MCC: variants seen among roughly 807,000 people sequenced by gnomAD.
MCC encodes colorectal mutant cancer protein.
A neutral mutation model predicts 116.2 loss-of-function variants in MCC; 90 were observed. The ratio of observed to expected loss-of-function variants is 0.77; its 90% CI spans 0.65 to 0.92. The LOEUF is 0.92. Among genes scored for constraint, MCC ranks in the 40% least tolerant of loss-of-function variants. The probability of loss-of-function intolerance (pLI) is 0.00; values close to 1 mark genes in which losing one functional copy is unlikely to be tolerated. For synonymous variants in MCC, 578 were observed against 510.5 expected (o/e 1.13, Z -1.78); for missense variants, 1,516 against 1,312.2 (o/e 1.16, Z -2.40).
In MCC at chr5:113,053,715, C is replaced by T. The variant is rs1266242453; in HGVS notation, c.2448+10G>A. On this transcript the variant is annotated intron_variant, in intron 15 of 18. Transcript: ENST00000408903. ...GGCAGCCTAGCACATGGGACCCACC[C>T]ACCACATACCTTCATGGCCATGAGC... The T allele has an allele frequency of 8.2e-6, 13 of 1,592,140 alleles. No individual in the cohort carries two copies. The highest frequency in any genetic ancestry group is 1.1e-5 in the Non-Finnish European group (13 of 1,161,506).
Position 113,051,890 on chromosome 5 carries a change from G to A in MCC, c.2448+1835C>T, listed in dbSNP as rs551070532. On this transcript the variant is annotated intron_variant, in intron 15 of 18. Coordinates refer to ENST00000408903, the MANE Select transcript of MCC (RefSeq NM_001085377.2). ...AATCCAACGTAACCTGCTGGATAAT[G>A]GATTTGGTATGGGTGAGCACACATC... Among the ~76,000 whole-genome samples the A allele has an allele frequency of 2.6e-5, 4 of 152,198 alleles. No individual in the cohort carries two copies. The South Asian group carries it at 8.3e-4, about 32-fold the overall frequency.
chr5:113,095,405 T>C (rs1435720497), intron 8 of MCC, among the ~76,000 whole-genome samples: 1 of 152,240 alleles, frequency 6.6e-6, no homozygotes, highest in Non-Finnish European at 1.5e-5. Flanking sequence ...GGTATAATAA[T>C]AGTACCTATC....
intron 2 of MCC, among the ~76,000 whole-genome samples, chr5:113,367,606 T>C (rs1768728643): frequency 9.7e-6 from 1 of 103,564 alleles, no homozygotes; most frequent in Admixed American, 1.6e-4. Flanking sequence ...AAACTTATGC[T>C]TGGGCATAAG....
At chr5:113,417,070 A>G in intron 1 of MCC, among the ~76,000 whole-genome samples, 1 of 151,330 alleles carries the variant, frequency 6.6e-6, no homozygotes, top group East Asian at 1.9e-4. Context: ...CCCAGGTTCA[A>G]GTGATTCCCC....
intron 1 of MCC, among the ~76,000 whole-genome samples, chr5:113,440,871 C>A (rs1268252658): frequency 6.6e-6 from 1 of 152,134 alleles, no homozygotes; most frequent in African/African-American, 2.4e-5. Context: ...GAAAGATCCA[C>A]CTGACTTTTT....
intron 8 of MCC, among the ~76,000 whole-genome samples, chr5:113,099,813 G>A (rs1372985879): frequency 1.3e-5 from 2 of 152,212 alleles, no homozygotes; most frequent in Admixed American, 1.3e-4. Flanking sequence ...ATGAAGGGCT[G>A]GCAAGTGAGA....
At chr5:113,226,829 T>C (rs1321298163) in intron 3 of MCC, among the ~76,000 whole-genome samples, 1 of 152,224 alleles carries the variant, frequency 6.6e-6, no homozygotes, top group East Asian at 1.9e-4. Flanking sequence ...AGAGGCCTTA[T>C]AAGATAGTCT....
chr5:113,406,283 T>C (rs942983064), intron 1 of MCC, among the ~76,000 whole-genome samples: 1 of 152,214 alleles, frequency 6.6e-6, no homozygotes, highest in African/African-American at 2.4e-5. Flanking sequence ...TTTATTTCCT[T>C]CCAGCTGAAG....
chr5:113,436,722 G>T (rs1770875823), intron 1 of MCC: 1 of 152,168 alleles, frequency 6.6e-6, no homozygotes, highest in Admixed American at 6.5e-5. Context: ...ATTTAACAGT[G>T]TGTTTTTTCT....
Position 113,145,737 on chromosome 5 carries a change from TACACACACAC to T in MCC, c.742-2387_742-2378del, listed in dbSNP as rs558608537. Among the ~76,000 whole-genome samples the T allele has an allele frequency of 1.6e-3, 199 of 123,528 alleles. 2 individuals are homozygous for T. The highest frequency in any genetic ancestry group is 5.2e-3 in the African/African-American group (185 of 35,240). The allele number at this position is 123,528 out of a possible 152,430, so 81.0% of individuals were successfully genotyped here. On this transcript the variant is annotated intron_variant, in intron 4 of 18. Coordinates refer to ENST00000408903, the MANE Select transcript of MCC (RefSeq NM_001085377.2). ...CTTTTGTTTCTCTAATAAACTTGCT[TACACACACAC>T]ACACACACACACACACACACACACA...
intron 3 of MCC, among the ~76,000 whole-genome samples, chr5:113,283,203 G>A (rs369306522): frequency 1.3e-5 from 2 of 152,290 alleles, no homozygotes; most frequent in African/African-American, 4.8e-5. Flanking sequence ...ACTCCTACTG[G>A]AAATACCAAG....
In MCC at chr5:113,410,160, C is replaced by CA. The variant is rs528590422; in HGVS notation, c.171-24949dup. On this transcript the variant is annotated intron_variant, in intron 1 of 18. Transcript: ENST00000408903. Reference sequence around the variant, plus strand: ...TTTATAACTAGTGTACTCCATGTAGCAAAAAATCATAAAAACCTTTCCGTG... The same window carrying CA: ...TTTATAACTAGTGTACTCCATGTAGCAAAAAAATCATAAAAACCTTTCCGTG... Among the ~76,000 whole-genome samples the CA allele has an allele frequency of 1.3e-3, 195 of 152,228 alleles. 1 individual carries two copies. Among genetic ancestry groups the CA allele is most frequent in the African/African-American group, 4.5e-3 (185 of 41,542 alleles).
At position 113,425,094 on chromosome 5, in the gene MCC, A is replaced by T. The variant is rs1002643807; in HGVS notation, c.171-39882T>A. Among the ~76,000 whole-genome samples, 6 of 152,262 alleles carry T rather than the reference A, an allele frequency of 3.9e-5. No homozygotes were observed. In the East Asian group the frequency reaches 7.7e-4, roughly 20 times the overall value. On this transcript the variant is annotated intron_variant, in intron 1 of 18. Transcript: ENST00000408903. ...AAGGACCACAGAAACAATTTTTTTT[A>T]AAGACATGAAATATCAGAACATTGG...
chr5:113,143,449 A>G, intron 4 of MCC, 89 bp from the exon 5 acceptor site: 2 of 1,380,576 alleles, frequency 1.4e-6, no homozygotes, highest in Non-Finnish European at 2.0e-6. Context: ...AAACCATTAC[A>G]ACTGCCAACA....
intron 6 of MCC, among the ~76,000 whole-genome samples, chr5:113,118,244 C>G (rs1208839384): frequency 6.6e-6 from 1 of 152,196 alleles, no homozygotes; most frequent in Non-Finnish European, 1.5e-5. Flanking sequence ...AACGGCGAGC[C>G]TTTGCCAGAT....
chr5:113,470,016 T>C (rs1347377657), intron 1 of MCC, among the ~76,000 whole-genome samples: 2 of 152,188 alleles, frequency 1.3e-5, no homozygotes, highest in African/African-American at 4.8e-5. Context: ...CTGCCTTTTT[T>C]TGTTTTCCAT....
chr5:113,101,530 A>G (rs779445701), intron 8 of MCC: 2 of 576,668 alleles, frequency 3.5e-6, no homozygotes, highest in African/African-American at 3.7e-5. Context: ...ATTCCAGAGA[A>G]AAGTGTTTGC....
In MCC at chr5:113,027,446, C is replaced by G. The variant is rs765273496; in HGVS notation, c.2916G>C (p.Lys972Asn). ...LVAAYEKAKK[K>N]HQNKLKKLES... Reference sequence around the variant, plus strand: ...CTAACTTCTTCAGTTTGTTTTGATGCTTTTTCTTTGCTTTCTCATAGGCAG... The same window carrying G: ...CTAACTTCTTCAGTTTGTTTTGATGGTTTTTCTTTGCTTTCTCATAGGCAG... The change falls in exon 19 of 19, where the codon AAG (lysine) becomes AAC (asparagine). Residue 972 changes from lysine to asparagine, a missense_variant. By Grantham distance (94) the Lys-to-Asn change is moderately conservative. Coordinates refer to ENST00000408903, the MANE Select transcript of MCC (RefSeq NM_001085377.2). 13 of 1,614,180 alleles carry G rather than the reference C, an allele frequency of 8.1e-6. No homozygotes were observed. Among genetic ancestry groups the G allele is most frequent in the Non-Finnish European group, 1.1e-5 (13 of 1,180,026 alleles).
At chr5:113,043,509 G>T (rs1349035494) in intron 17 of MCC, 21 bp downstream of exon 17, 32 of 1,603,274 alleles carry the variant, frequency 2.0e-5, no homozygotes, top group Non-Finnish European at 2.6e-5. Flanking sequence ...ACACCAGCTG[G>T]GGTGGGGAAA....
Sources: gnomAD v4.1 joint callset for allele counts (sites outside exome capture counted in the v4.1 genomes callset) on GRCh38, gnomAD v4.1.1 for gene constraint, MANE v1.5 for transcripts, NCBI Gene and HGNC (gene_info 2026-07-23, HGNC 2026-07-21) for gene names.